The following PCDHA1 variants were observed in gnomAD, a reference collection of about 807,000 sequenced individuals.
The protein encoded by PCDHA1 is protocadherin alpha-1.
PCDHA1 carries 42 observed loss-of-function variants against 61.3 expected under a neutral mutation model. The observed-to-expected ratio is 0.69, with a 90% CI of 0.54 to 0.89. The LOEUF (loss-of-function observed/expected upper bound fraction) is 0.89. PCDHA1 is among the 40% of genes least tolerant of loss of function. PCDHA1 has a pLI of 0.00. For missense variants in PCDHA1, 1,256 were observed against 1,235.3 expected, an observed-to-expected ratio of 1.02 and a Z score of -0.25; for synonymous variants, 610 against 553.8, an observed-to-expected ratio of 1.10 and a Z score of -1.43.
At chr5:140,849,552 A>C (rs2150440271) in intron 1 of PCDHA1, 1 of 1,598,478 alleles carries the variant, frequency 6.3e-7, no homozygotes, top group South Asian at 1.1e-5. Context: ...GTTGACTATC[A>C]AAACGCTCTC....
intron 1 of PCDHA1, among the ~76,000 whole-genome samples, chr5:140,800,611 A>C (rs1762580148): frequency 6.6e-6 from 1 of 152,204 alleles, no homozygotes; most frequent in East Asian, 1.9e-4. Context: ...ATCAGATTGA[A>C]ATCCCATCGT....
At chr5:140,966,736 T>A in intron 1 of PCDHA1, 1 of 1,418,140 alleles carries the variant, frequency 7.1e-7, no homozygotes, top group Non-Finnish European at 9.2e-7. Context: ...CCTCCGGCCC[T>A]GCCCGGCTGC....
intron 1 of PCDHA1, among the ~76,000 whole-genome samples, chr5:140,903,368 A>G (rs1554190936): frequency 6.6e-6 from 1 of 152,234 alleles, no homozygotes; most frequent in Non-Finnish European, 1.5e-5. Flanking sequence ...TCAAAAATAT[A>G]GGGAGGATTG....
At chr5:140,936,849 G>A (rs927747848) in intron 1 of PCDHA1, among the ~76,000 whole-genome samples, 1 of 152,006 alleles carries the variant, frequency 6.6e-6, no homozygotes, top group Non-Finnish European at 1.5e-5. Context: ...TGTAGATTCA[G>A]CTTCTCAGTT....
rs1761310860 is a variant in PCDHA1, at chr5:140,786,484, G to A, written c.194G>A (p.Arg65Gln). 6.2e-7 allele frequency: 1 copy of A among 1,613,758 alleles called. No individual in the cohort carries two copies. The highest frequency in any genetic ancestry group is 1.3e-5 in the African/African-American group (1 of 75,046). The change falls in exon 1 of 4, where the codon CGG becomes CAG. Residue 65 changes from arginine (R) to glutamine (Q), a missense_variant. Coordinates refer to ENST00000504120, the MANE Select transcript of PCDHA1 (RefSeq NM_018900.4). ...ELAELVPRLFRVASKTHRDLL... is the reference protein window; with the variant it reads ...ELAELVPRLFQVASKTHRDLL... ...GCGGAGCTGGTGCCTCGCCTGTTCC[G>A]GGTGGCGTCCAAAACACACAGGGAC...
chr5:140,858,072 C>T, intron 1 of PCDHA1: 1 of 1,597,752 alleles, frequency 6.3e-7, no homozygotes, highest in Non-Finnish European at 8.6e-7. Context: ...AGCCAGGCAC[C>T]CAAGGCCTCG....
Position 140,920,894 on chromosome 5 carries a change from T to G in PCDHA1, c.2395-58055T>G, listed in dbSNP as rs114918834. Among the ~76,000 whole-genome samples the G allele has an allele frequency of 2.6e-3, 390 of 151,496 alleles. 2 individuals carry two copies. The highest frequency in any genetic ancestry group is 9.2e-3 in the African/African-American group (379 of 41,284). Reference sequence around the variant, plus strand: ...GTGGCCCTTAGAACTTAAAGTCATATTTTGGTTCTCAAATCAGTTCCAAGA... The same window carrying G: ...GTGGCCCTTAGAACTTAAAGTCATAGTTTGGTTCTCAAATCAGTTCCAAGA... On this transcript the variant is annotated intron_variant, in intron 1 of 3. Coordinates refer to ENST00000504120, the MANE Select transcript of PCDHA1 (RefSeq NM_018900.4).
At chr5:140,828,278 C>A (rs1158544001) in intron 1 of PCDHA1, 4 of 1,613,994 alleles carry the variant, frequency 2.5e-6, no homozygotes, top group Non-Finnish European at 3.4e-6. Flanking sequence ...GGTGCCGCGC[C>A]TGTTCAGGAT....
Position 140,786,219 on chromosome 5 carries a change from T to A in PCDHA1, c.-72T>A, listed in dbSNP as rs1761291476. 1 of 1,497,440 alleles carries A rather than the reference T, an allele frequency of 6.7e-7. No homozygotes were observed. Among genetic ancestry groups the A allele is most frequent in the Non-Finnish European group, 8.9e-7 (1 of 1,117,454 alleles). 92.8% of individuals were successfully genotyped at this position (1,497,440 alleles called of 1,614,324 possible). ...ACAGAAACGGTAAAGAGATAAATGATTGGAAATATTAGATAAAATGGCATG... is the reference window on the plus strand; with the variant it reads ...ACAGAAACGGTAAAGAGATAAATGAATGGAAATATTAGATAAAATGGCATG... On this transcript the variant is annotated 5_prime_UTR_variant, in exon 1 of 4. In the 5' UTR this introduces an upstream ATG that the reference lacks. Transcript: ENST00000504120.
intron 1 of PCDHA1, chr5:140,795,158 G>A (rs1554119278): frequency 6.2e-7 from 1 of 1,614,050 alleles, no homozygotes; most frequent in South Asian, 1.1e-5. Context: ...CGCCTGTTCC[G>A]GGTGGCGTCC....
rs192756440 is a variant in PCDHA1, at chr5:140,876,883, G to C, written c.2394+88199G>C. On this transcript the variant is annotated intron_variant, in intron 1 of 3. Coordinates refer to ENST00000504120, the MANE Select transcript of PCDHA1 (RefSeq NM_018900.4). Reference sequence around the variant, plus strand: ...GTTCGTGAAGGAGAACAACCCGCCGGGCTGCCACATCTTCACGGTGTCGGC... The same window carrying C: ...GTTCGTGAAGGAGAACAACCCGCCGCGCTGCCACATCTTCACGGTGTCGGC... The C allele has an allele frequency of 2.2e-3, 3,631 of 1,614,132 alleles. 14 individuals are homozygous for C. Among genetic ancestry groups the C allele is most frequent in the Middle Eastern group, 9.1e-3 (55 of 6,048 alleles).
At position 140,786,659 on chromosome 5, in the gene PCDHA1, G is replaced by A. The variant is rs1554117496; in HGVS notation, c.369G>A (p.Val123=). 4 of 1,614,260 alleles carry A rather than the reference G, an allele frequency of 2.5e-6. No individual in the cohort carries two copies. Among genetic ancestry groups the A allele is most frequent in the Non-Finnish European group, 3.4e-6 (4 of 1,180,042 alleles). Residue 123 remains valine, a synonymous_variant, in exon 1 of 4, where the codon GTG becomes GTA. Transcript: ENST00000504120. ...AGGTTTTCCATGTGGAGGTGAAGGT[G>A]AAAGACATTAACGATAATCCACCCG... ...PLQVFHVEVK[V]KDINDNPPVF...
chr5:140,944,301 C>T (rs1320988632), intron 1 of PCDHA1, among the ~76,000 whole-genome samples: 1 of 152,176 alleles, frequency 6.6e-6, no homozygotes, highest in Non-Finnish European at 1.5e-5. Flanking sequence ...GATCCTCCTA[C>T]CTCAGCCTCC....
intron 1 of PCDHA1, chr5:140,849,292 C>T (rs1472038377): frequency 1.5e-5 from 18 of 1,231,626 alleles, no homozygotes; most frequent in African/African-American, 1.8e-5. Flanking sequence ...CACCCCAATG[C>T]CTCAGATTTA....
intron 1 of PCDHA1, among the ~76,000 whole-genome samples, chr5:140,952,614 T>C (rs1381315866): frequency 6.6e-6 from 1 of 152,170 alleles, no homozygotes; most frequent in African/African-American, 2.4e-5. Flanking sequence ...CTCTCCCTCA[T>C]CTTCCCTCCA....
chr5:140,957,630 C>A (rs2095372065), intron 1 of PCDHA1, among the ~76,000 whole-genome samples: 1 of 152,000 alleles, frequency 6.6e-6, no homozygotes, highest in Non-Finnish European at 1.5e-5. Context: ...CACACACTTT[C>A]AGAAATGCAC....
chr5:140,792,123 A>C (rs1320978499), intron 1 of PCDHA1, among the ~76,000 whole-genome samples: 3 of 152,112 alleles, frequency 2.0e-5, no homozygotes, highest in African/African-American at 7.2e-5. Flanking sequence ...ATTTCTTCTG[A>C]AGACTTTAGG....
In PCDHA1 at chr5:140,968,743, C is replaced by G. The variant is rs112674082; in HGVS notation, c.2395-10206C>G. Reference sequence around the variant, plus strand: ...AGAGTGGTAGCACTTTCAACCTGACCGTGGTGGTCCGAGATAATGGAGAGC... The same window carrying G: ...AGAGTGGTAGCACTTTCAACCTGACGGTGGTGGTCCGAGATAATGGAGAGC... On this transcript the variant is annotated intron_variant, in intron 1 of 3. Transcript: ENST00000504120. 10 of 1,614,060 alleles carry G rather than the reference C, an allele frequency of 6.2e-6. No homozygotes were observed. The South Asian group carries it at 9.9e-5, about 16-fold the overall frequency.
At position 140,822,392 on chromosome 5, in the gene PCDHA1, A is replaced by G. The variant is rs17844288; in HGVS notation, c.2394+33708A>G. 2.5e-6 allele frequency: 4 copies of G among 1,614,134 alleles called. No homozygotes were observed. In the East Asian group the frequency reaches 8.9e-5, roughly 36 times the overall value. ...TCCTTAGATAGAGAAGAAACACAAGAACACCGTTTATTAGTGATTGCAACT... is the reference window on the plus strand; with the variant it reads ...TCCTTAGATAGAGAAGAAACACAAGGACACCGTTTATTAGTGATTGCAACT... On this transcript the variant is annotated intron_variant, in intron 1 of 3. Coordinates refer to ENST00000504120, the MANE Select transcript of PCDHA1 (RefSeq NM_018900.4).
Sources: gnomAD v4.1 joint callset for allele counts (sites outside exome capture counted in the v4.1 genomes callset) on GRCh38, gnomAD v4.1.1 for gene constraint, MANE v1.5 for transcripts, NCBI Gene and HGNC (gene_info 2026-07-23, HGNC 2026-07-21) for gene names.